The following KIF21A variants were observed in gnomAD, a reference collection of about 807,000 sequenced individuals.
The protein encoded by KIF21A is kinesin-like protein KIF21A.
KIF21A carries 114 observed loss-of-function variants against 202.9 expected under a neutral mutation model. That is an observed-to-expected ratio of 0.56 (90% CI 0.48 to 0.66). The LOEUF (loss-of-function observed/expected upper bound fraction) is 0.66. KIF21A is among the 30% of genes least tolerant of loss of function. The pLI, the probability that KIF21A is intolerant of heterozygous loss-of-function variation, is 0.00. For synonymous variants in KIF21A, 667 were observed against 670.8 expected, an observed-to-expected ratio of 0.99 and a Z score of 0.09; for missense variants, 1,677 against 1,994.9, an observed-to-expected ratio of 0.84 and a Z score of 3.04.
chr12:39,334,222 A>T (rs1280272899), intron 17 of KIF21A, among the ~76,000 whole-genome samples: 2 of 148,284 alleles, frequency 1.3e-5, no homozygotes, highest in African/African-American at 5.0e-5. Context: ...AAAAAAAAAG[A>T]AAGAAAGAAA....
chr12:39,430,188 G>GAA (rs772853903), intron 1 of KIF21A, among the ~76,000 whole-genome samples: 2 of 128,710 alleles, frequency 1.6e-5, no homozygotes, highest in Admixed American at 8.0e-5. Context: ...TAAGACCCTG[G>GAA]AAAAAAAAAA....
At chr12:39,371,389 T>G (rs1592388827) in intron 1 of KIF21A, among the ~76,000 whole-genome samples, 2 of 152,214 alleles carry the variant, frequency 1.3e-5, no homozygotes, top group African/African-American at 4.8e-5. Context: ...ACACATCCAC[T>G]TGAATCCAAC....
At chr12:39,295,145 A>G (rs917970245) in intron 37 of KIF21A, among the ~76,000 whole-genome samples, 1 of 152,244 alleles carries the variant, frequency 6.6e-6, no homozygotes, top group Non-Finnish European at 1.5e-5. Context: ...TCCACTTAGC[A>G]CAGAATGTAG....
intron 37 of KIF21A, among the ~76,000 whole-genome samples, chr12:39,300,166 G>T (rs986310453): frequency 4.6e-5 from 7 of 152,086 alleles, no homozygotes; most frequent in Admixed American, 4.6e-4. Flanking sequence ...TGGAAGGTAA[G>T]TAAGTACAAT....
At chr12:39,379,973 T>A (rs1950512362) in intron 1 of KIF21A, among the ~76,000 whole-genome samples, 1 of 152,236 alleles carries the variant, frequency 6.6e-6, no homozygotes, top group African/African-American at 2.4e-5. Flanking sequence ...CTTTTTGTTT[T>A]TTTGTTTTTT....
intron 10 of KIF21A, among the ~76,000 whole-genome samples, chr12:39,354,534 G>C (rs1325320721): frequency 6.6e-6 from 1 of 151,932 alleles, no homozygotes; most frequent in Non-Finnish European, 1.5e-5. Context: ...TAATTAATTA[G>C]TGATTATTAT....
At chr12:39,362,370 G>T (rs767513958) in intron 7 of KIF21A, among the ~76,000 whole-genome samples, 4 of 152,048 alleles carry the variant, frequency 2.6e-5, no homozygotes, top group Non-Finnish European at 5.9e-5. Context: ...TTACATTATT[G>T]CAAACACTGT....
At chr12:39,397,806 A>G (rs943645279) in intron 1 of KIF21A, among the ~76,000 whole-genome samples, 1 of 152,224 alleles carries the variant, frequency 6.6e-6, no homozygotes, top group Non-Finnish European at 1.5e-5. Flanking sequence ...ACATGGCCAT[A>G]GCAACTCAAG....
At chr12:39,326,446 A>C (rs541358533) in intron 24 of KIF21A, 122 bp from the exon 25 acceptor site, 1 of 720,218 alleles carries the variant, frequency 1.4e-6, no homozygotes, top group Non-Finnish European at 2.5e-6. Context: ...TGGTTTTAGT[A>C]GCTGAATCTA....
At chr12:39,318,798 G>A (rs944014918) in intron 28 of KIF21A, among the ~76,000 whole-genome samples, 48 of 152,134 alleles carry the variant, frequency 3.2e-4, no homozygotes, top group Admixed American at 2.1e-3. Flanking sequence ...GGCTAACATG[G>A]TGAAACCCCG....
At chr12:39,331,467 T>A (rs187127797) in intron 22 of KIF21A, among the ~76,000 whole-genome samples, 1 of 152,326 alleles carries the variant, frequency 6.6e-6, no homozygotes, top group African/African-American at 2.4e-5. Flanking sequence ...CTTTAAGTTG[T>A]TTATCTGCTC....
intron 1 of KIF21A, among the ~76,000 whole-genome samples, chr12:39,398,199 A>T (rs1352309721): frequency 1.3e-5 from 2 of 152,236 alleles, no homozygotes; most frequent in Admixed American, 1.3e-4. Flanking sequence ...AAAAACCATC[A>T]TAGGGAGAAA....
At chr12:39,412,908 CAGTT>C (rs1953231216) in intron 1 of KIF21A, among the ~76,000 whole-genome samples, 1 of 152,126 alleles carries the variant, frequency 6.6e-6, no homozygotes, top group African/African-American at 2.4e-5. Context: ...AAATGTTATA[CAGTT>C]TACCAGAGTA....
chr12:39,308,419 G>A (rs1360879702), intron 33 of KIF21A, among the ~76,000 whole-genome samples: 1 of 151,560 alleles, frequency 6.6e-6, no homozygotes, highest in African/African-American at 2.4e-5. Context: ...ATGATACGTT[G>A]CCACAAAAGT....
chr12:39,363,076 G>A (rs3736466), intron 7 of KIF21A, 22 bp downstream of exon 7: 280,360 of 1,348,318 alleles, frequency 0.21, 32,334 homozygotes, highest in South Asian at 0.4. Flanking sequence ...AGTCTGAGTA[G>A]AGGATAATCA....
chr12:39,392,256 AGT>A (rs1239427728), intron 1 of KIF21A, among the ~76,000 whole-genome samples: 1 of 152,162 alleles, frequency 6.6e-6, no homozygotes, highest in Non-Finnish European at 1.5e-5. Context: ...TGACAAGAAG[AGT>A]GTGACATGAA....
At chr12:39,330,088 T>C in intron 24 of KIF21A, 154 bp downstream of exon 24, 1 of 652,660 alleles carries the variant, frequency 1.5e-6, no homozygotes, top group Admixed American at 2.5e-5. Flanking sequence ...AGACTTAGTG[T>C]GTTTGTGGGC....
intron 1 of KIF21A, among the ~76,000 whole-genome samples, chr12:39,397,865 T>C (rs147161367): frequency 6.6e-6 from 1 of 152,180 alleles, no homozygotes; most frequent in Non-Finnish European, 1.5e-5. Context: ...AACATGTAAA[T>C]AGCTGAATGC....
rs900502235 is a variant in KIF21A, at chr12:39,418,228, C to G, written c.44+24699G>C. 2.0e-5 allele frequency among the ~76,000 whole-genome samples: 3 copies of G among 150,884 alleles called. No individual in the cohort carries two copies. The East Asian group carries it at 5.8e-4, about 29-fold the overall frequency. ...AAAAAGAGCAAAGAGTAGCTATAGA[C>G]AGAAAAACATCCAGAAAACATTGAT... On this transcript the variant is annotated intron_variant, in intron 1 of 37. Transcript: ENST00000361418.
Sources: gnomAD v4.1 joint callset for allele counts (sites outside exome capture counted in the v4.1 genomes callset) on GRCh38, gnomAD v4.1.1 for gene constraint, MANE v1.5 for transcripts, NCBI Gene and HGNC (gene_info 2026-07-23, HGNC 2026-07-21) for gene names.